SV2B: variants seen among roughly 807,000 people sequenced by gnomAD.
SV2B encodes the protein synaptic vesicle glycoprotein 2B.
Under a neutral mutation model 73.9 loss-of-function variants are expected in SV2B, and 41 were observed. That is an observed-to-expected ratio of 0.56 (90% CI 0.43 to 0.72). The LOEUF (loss-of-function observed/expected upper bound fraction) is 0.72, where lower values mean the gene tolerates loss of function less well. Among genes scored for constraint, SV2B ranks in the 30% least tolerant of loss-of-function variants. The pLI is 0.00. For synonymous variants in SV2B, 314 were observed against 314.2 expected, an observed-to-expected ratio of 1.00 and a Z score of 0.01; for missense variants, 764 against 857.8, an observed-to-expected ratio of 0.89 and a Z score of 1.37.
Position 91,268,302 on chromosome 15 carries a change from A to G in SV2B, c.1209-139A>G. ...CTTGTATTTATTAATATGAGGATTT[A>G]TATTGTCAGATTTTCTAATAATGAA... On this transcript the variant is annotated intron_variant, in intron 8 of 12. Coordinates refer to ENST00000394232, the MANE Select transcript of SV2B (RefSeq NM_001323032.3). The surrounding 1 kb of genome is among the most constrained non-coding windows in gnomAD (Gnocchi z 4.4). The G allele has an allele frequency of 1.2e-5, 10 of 862,514 alleles. No homozygotes were observed. Among genetic ancestry groups the G allele is most frequent in the Non-Finnish European group, 1.7e-5 (10 of 578,760 alleles). 53.4% of individuals were successfully genotyped at this position (862,514 alleles called of 1,614,324 possible). A position where few individuals can be genotyped will look rare whatever the true frequency, so the allele number is the denominator to read the frequency against.
At chr15:91,170,828 A>G (rs2044096996) in intron 1 of SV2B, among the ~76,000 whole-genome samples, 1 of 151,752 alleles carries the variant, frequency 6.6e-6, no homozygotes, top group South Asian at 2.1e-4. Flanking sequence ...AATTAAAATC[A>G]ATAAGAGTTG....
chr15:91,125,053 G>A (rs2042436588), intron 1 of SV2B, among the ~76,000 whole-genome samples: 1 of 152,184 alleles, frequency 6.6e-6, no homozygotes, highest in Non-Finnish European at 1.5e-5. Context: ...CTTGCAGATG[G>A]CTGCCTTCTT....
In SV2B at chr15:91,123,493, A is replaced by G. The variant is rs1490773898; in HGVS notation, c.-392+23130A>G. The stretch of plus-strand genomic sequence containing the variant: ...GAGGAAGATACAGTGTAGGTAGGCC[A>G]TAAAACCACAGAGCCTGCACTTGGG... On this transcript the variant is annotated intron_variant, in intron 1 of 12. Transcript: ENST00000394232. The surrounding 1 kb of genome is among the most constrained non-coding windows in gnomAD (Gnocchi z 4.7). Among the ~76,000 whole-genome samples, 3 of 152,212 alleles carry G rather than the reference A, an allele frequency of 2.0e-5. No individual in the cohort carries two copies. Among genetic ancestry groups the G allele is most frequent in the Non-Finnish European group, 2.9e-5 (2 of 68,044 alleles).
chr15:91,222,099 C>G (rs1221963118), intron 1 of SV2B, among the ~76,000 whole-genome samples: 2 of 152,182 alleles, frequency 1.3e-5, no homozygotes, highest in African/African-American at 4.8e-5. Flanking sequence ...TTTCTCTGAG[C>G]CCTTTCCTGC....
intron 1 of SV2B, among the ~76,000 whole-genome samples, chr15:91,152,588 A>G (rs1284364283): frequency 1.3e-5 from 2 of 152,220 alleles, no homozygotes; most frequent in Non-Finnish European, 2.9e-5. Flanking sequence ...GCTTTCATAT[A>G]TTCAAAGTAA....
At chr15:91,119,016 C>G (rs924978589) in intron 1 of SV2B, among the ~76,000 whole-genome samples, 2 of 152,134 alleles carry the variant, frequency 1.3e-5, no homozygotes, top group African/African-American at 4.8e-5. Flanking sequence ...ACTCCTAATC[C>G]TCAGCTTCTG....
At position 91,130,304 on chromosome 15, in the gene SV2B, T is replaced by C. The variant is rs1044973816; in HGVS notation, c.-392+29941T>C. ...TACTGAATTCCATATTGGGCTCTCT[T>C]GAGTGAACAGGCTCAGGAACCAATT... On this transcript the variant is annotated intron_variant, in intron 1 of 12. Coordinates refer to ENST00000394232, the MANE Select transcript of SV2B (RefSeq NM_001323032.3). The surrounding 1 kb of genome is among the most constrained non-coding windows in gnomAD (Gnocchi z 5.6). 4.6e-5 allele frequency among the ~76,000 whole-genome samples: 7 copies of C among 152,124 alleles called. No homozygotes were observed. Among genetic ancestry groups the C allele is most frequent in the Non-Finnish European group, 8.8e-5 (6 of 68,008 alleles).
intron 1 of SV2B, among the ~76,000 whole-genome samples, chr15:91,158,062 A>G (rs1042096051): frequency 1.3e-5 from 2 of 151,958 alleles, no homozygotes; most frequent in Admixed American, 1.3e-4. Flanking sequence ...TCTTGTCCTC[A>G]GTTTGTTTAC....
rs200016125 is a variant in SV2B at position 91,125,781 on chromosome 15, CAAAA to C, written c.-392+25434_-392+25437del. The stretch of plus-strand genomic sequence containing the variant: ...CAAAGTGAGACCCTGTCTCAAGGGG[CAAAA>C]AAAAAAAAAAAAAAATTCAGTCATT... On this transcript the variant is annotated intron_variant, in intron 1 of 12. Coordinates refer to ENST00000394232, the MANE Select transcript of SV2B (RefSeq NM_001323032.3). Among the ~76,000 whole-genome samples the C allele has an allele frequency of 2.3e-4, 13 of 57,066 alleles. 1 individual carries two copies. Among genetic ancestry groups the C allele is most frequent in the Middle Eastern group, 0.013 (1 of 76 alleles). 37.4% of individuals were successfully genotyped at this position (57,066 alleles called of 152,430 possible). A position where few individuals can be genotyped will look rare whatever the true frequency, so the allele number is the denominator to read the frequency against.
rs961910414 is a variant in SV2B, at chr15:91,241,564, C to G, written c.452-10255C>G. ...AGCATCTCTTCCTCATCTTCACTCTCAGATTAATAAACTCAGTTCCTCCTG... is the reference window on the plus strand; with the variant it reads ...AGCATCTCTTCCTCATCTTCACTCTGAGATTAATAAACTCAGTTCCTCCTG... On this transcript the variant is annotated intron_variant, in intron 2 of 12. Coordinates refer to ENST00000394232, the MANE Select transcript of SV2B (RefSeq NM_001323032.3). The surrounding 1 kb of genome is among the most constrained non-coding windows in gnomAD (Gnocchi z 4.8). 6.6e-6 allele frequency among the ~76,000 whole-genome samples: 1 copy of G among 152,180 alleles called. No individual in the cohort carries two copies. The highest frequency in any genetic ancestry group is 2.4e-5 in the African/African-American group (1 of 41,434).
chr15:91,246,485 G>C (rs1418426213), intron 2 of SV2B, among the ~76,000 whole-genome samples: 1 of 152,176 alleles, frequency 6.6e-6, no homozygotes, highest in Non-Finnish European at 1.5e-5. Flanking sequence ...ATTTTACAAA[G>C]ATGTAATAGT....
At position 91,105,102 on chromosome 15, in the gene SV2B, T is replaced by C. The variant is rs1278174393; in HGVS notation, c.-392+4739T>C. On this transcript the variant is annotated intron_variant, in intron 1 of 12. Transcript: ENST00000394232. This position sits in a 1 kb window ranked among gnomAD's most constrained non-coding sequence, Gnocchi z 5.5. ...AATCATTCATTCACTAAATAAATAT[T>C]TATTGAGTGGTCTCTATGTGCCAGG... is the stretch of plus-strand genomic sequence containing the variant. Among the ~76,000 whole-genome samples, 3 of 152,194 alleles carry C rather than the reference T, an allele frequency of 2.0e-5. No homozygotes were observed. The highest frequency in any genetic ancestry group is 7.2e-5 in the African/African-American group (3 of 41,428).
intron 7 of SV2B, 161 bp downstream of exon 7, chr15:91,266,853 G>A (rs2048122896): frequency 5.5e-6 from 3 of 544,766 alleles, no homozygotes; most frequent in East Asian, 3.0e-5. Flanking sequence ...GCCCACGTCT[G>A]CCTCTAGCTT....
At chr15:91,166,104 A>T (rs1189860775) in intron 1 of SV2B, among the ~76,000 whole-genome samples, 1 of 152,296 alleles carries the variant, frequency 6.6e-6, no homozygotes, top group Non-Finnish European at 1.5e-5. Context: ...CCTTAATATC[A>T]GCAGTTTTTA....
At chr15:91,277,065 G>T (rs2048518956) in intron 9 of SV2B, among the ~76,000 whole-genome samples, 2 of 152,062 alleles carry the variant, frequency 1.3e-5, no homozygotes, top group African/African-American at 2.4e-5. Flanking sequence ...CAGGTGATCT[G>T]CCCACCTTGG....
chr15:91,300,155 A>G lies in SV2B; in HGVS notation c.*7603A>G, dbSNP rs1302737973. On this transcript the variant is annotated 3_prime_UTR_variant, in exon 13 of 13. Coordinates refer to ENST00000394232, the MANE Select transcript of SV2B (RefSeq NM_001323032.3). Reference sequence around the variant, plus strand: ...TTTGAAATATGTGCTAAGTAGTTAGAGATTTGGCAGTTTTGCCACATTTCA... The same window carrying G: ...TTTGAAATATGTGCTAAGTAGTTAGGGATTTGGCAGTTTTGCCACATTTCA... The G allele has an allele frequency of 6.6e-6, 1 of 152,224 alleles. No homozygotes were observed. Among genetic ancestry groups the G allele is most frequent in the Non-Finnish European group, 1.5e-5 (1 of 68,044 alleles). 9.4% of individuals were successfully genotyped at this position (152,224 alleles called of 1,614,324 possible). A position where few individuals can be genotyped will look rare whatever the true frequency, so the allele number is the denominator to read the frequency against.
At chr15:91,266,035 C>A (rs113983157) in intron 6 of SV2B, among the ~76,000 whole-genome samples, 8 of 152,040 alleles carry the variant, frequency 5.3e-5, no homozygotes, top group African/African-American at 1.9e-4. Context: ...CCCAGCTACT[C>A]GGGAGGCTGA....
Position 91,252,631 on chromosome 15 carries a change from C to G in SV2B, c.784+111C>G. On this transcript the variant is annotated intron_variant, in intron 4 of 12. Coordinates refer to ENST00000394232, the MANE Select transcript of SV2B (RefSeq NM_001323032.3). This position sits in a 1 kb window ranked among gnomAD's most constrained non-coding sequence, Gnocchi z 4.6. ...CATGTACTCACGCACAGTTCCCGTA[C>G]GTGACCTTGATCTTTCTTAACAACT... 8.7e-7 allele frequency: 1 copy of G among 1,149,018 alleles called. No homozygotes were observed. The allele number at this position is 1,149,018 out of a possible 1,614,324, so 71.2% of individuals were successfully genotyped here. A position where few individuals can be genotyped will look rare whatever the true frequency, so the allele number is the denominator to read the frequency against.
chr15:91,161,628 G>A (rs112871590), intron 1 of SV2B, among the ~76,000 whole-genome samples: 1,860 of 152,256 alleles, frequency 0.012, 38 homozygotes, highest in African/African-American at 0.043. Context: ...TATCATCCCC[G>A]TTTTAGGGAG....
Sources: allele counts gnomAD v4.1 joint callset (sites outside exome capture counted in the v4.1 genomes callset), GRCh38; gene constraint gnomAD v4.1.1; non-coding constraint Gnocchi (gnomAD v3.1); transcripts MANE v1.5; gene names NCBI Gene and HGNC (gene_info 2026-07-23, HGNC 2026-07-21).